GTSE1: variants seen among roughly 807,000 people sequenced by gnomAD.
GTSE1 encodes G2 and S-phase expressed 1.
GTSE1 carries 52 observed loss-of-function variants against 60.5 expected under a neutral mutation model. The observed-to-expected ratio is 0.86, with a 90% CI of 0.69 to 1.08. The LOEUF (loss-of-function observed/expected upper bound fraction) is 1.08. Ranked by LOEUF, GTSE1 falls within the 50% of genes least tolerant of loss-of-function variation. The pLI is 0.00. For missense variants in GTSE1, 937 were observed against 961.8 expected (o/e 0.97, Z 0.34); for synonymous variants, 368 against 386.5 (o/e 0.95, Z 0.56).
At position 46,309,726 on chromosome 22, in the gene GTSE1, G is replaced by C. The variant is rs1427175138; in HGVS notation, c.762+783G>C. ...TGAGAGCCAAGGATGGAAGGCAGCC[G>C]AGGTGCAGCCGCCACGCCACACACT... On this transcript the variant is annotated intron_variant, in intron 4 of 11. Transcript: ENST00000454366. This position sits in a 1 kb window ranked among gnomAD's most constrained non-coding sequence, Gnocchi z 6.2. Among the ~76,000 whole-genome samples, 1 of 152,200 alleles carries C rather than the reference G, an allele frequency of 6.6e-6. No individual in the cohort carries two copies. Among genetic ancestry groups the C allele is most frequent in the Non-Finnish European group, 1.5e-5 (1 of 68,038 alleles).
intron 2 of GTSE1, among the ~76,000 whole-genome samples, chr22:46,300,711 G>C (rs1375026769): frequency 2.0e-5 from 3 of 152,246 alleles, no homozygotes; most frequent in Non-Finnish European, 4.4e-5. Flanking sequence ...GGATGAGCAA[G>C]TCAGCCAGCC....
chr22:46,322,157 C>A (rs1004015261), intron 7 of GTSE1, among the ~76,000 whole-genome samples: 1 of 149,706 alleles, frequency 6.7e-6, no homozygotes, highest in Non-Finnish European at 1.5e-5. Flanking sequence ...TGGTTTAAAG[C>A]GGGGCAGGGA....
In GTSE1 at chr22:46,309,385, T is replaced by C. The variant is rs2147818368; in HGVS notation, c.762+442T>C. 6.6e-6 allele frequency among the ~76,000 whole-genome samples: 1 copy of C among 152,250 alleles called. No homozygotes were observed. The highest frequency in any genetic ancestry group is 2.1e-4 in the South Asian group (1 of 4,830). ...GACAGGGGTGCCTTTGGGTGCAGTC[T>C]GCCTACTCTGGGACACTGAGGGTCC... On this transcript the variant is annotated intron_variant, in intron 4 of 11. Coordinates refer to ENST00000454366, the MANE Select transcript of GTSE1 (RefSeq NM_016426.7). The surrounding 1 kb of genome is among the most constrained non-coding windows in gnomAD (Gnocchi z 6.2).
At position 46,308,506 on chromosome 22, in the gene GTSE1, G is replaced by C. The variant is rs1189350943; in HGVS notation, c.325G>C (p.Ala109Pro). ...VEVYKEAHLL[A>P]LHIESSSRNQ... ...GGTGTACAAAGAAGCTCACTTACTG[G>C]CTTTACACATTGAGAGCAGCAGCCG... Residue 109 changes from alanine to proline, a missense_variant, in exon 4 of 12, where the codon GCT becomes CCT. Transcript: ENST00000454366. 2.5e-6 allele frequency: 4 copies of C among 1,614,074 alleles called. No homozygotes were observed. Among genetic ancestry groups the C allele is most frequent in the Non-Finnish European group, 3.4e-6 (4 of 1,180,028 alleles).
chr22:46,329,621 G>C lies in GTSE1; in HGVS notation c.2136+54G>C. 7.0e-7 allele frequency: 1 copy of C among 1,432,796 alleles called. No individual in the cohort carries two copies. Among genetic ancestry groups the C allele is most frequent in the Non-Finnish European group, 9.8e-7 (1 of 1,016,706 alleles). The allele number at this position is 1,432,796 out of a possible 1,614,324, so 88.8% of individuals were successfully genotyped here. ...CTCAGCCCTGGGTGTCCTCAGTTCT[G>C]GGATTGTTCATCCTCCCAGGGCCAT... On this transcript the variant is annotated intron_variant, in intron 11 of 11. Coordinates refer to ENST00000454366, the MANE Select transcript of GTSE1 (RefSeq NM_016426.7). The surrounding 1 kb of genome is among the most constrained non-coding windows in gnomAD (Gnocchi z 6.4).
chr22:46,300,069 C>T (rs369137362), intron 2 of GTSE1, among the ~76,000 whole-genome samples: 228 of 147,576 alleles, frequency 1.5e-3, no homozygotes, highest in African/African-American at 5.4e-3. Flanking sequence ...TCCGGAAGTG[C>T]TGGGATTACA....
chr22:46,328,950 G>A (rs1315331437), intron 10 of GTSE1, 61 bp downstream of exon 10: 3 of 1,360,324 alleles, frequency 2.2e-6, no homozygotes, highest in Non-Finnish European at 2.1e-6. Context: ...TGCTCGGGAA[G>A]CCCGTGGAAC....
At chr22:46,322,613 C>A (rs531096082) in intron 7 of GTSE1, among the ~76,000 whole-genome samples, 15 of 152,260 alleles carry the variant, frequency 9.9e-5, no homozygotes, top group African/African-American at 3.4e-4. Context: ...AACTGGTGAC[C>A]CCTTTGCCCT....
Position 46,308,849 on chromosome 22 carries a change from G to A in GTSE1, c.668G>A (p.Ser223Asn), listed in dbSNP as rs1474065867. Residue 223 changes from serine (S) to asparagine (N), a missense_variant, in exon 4 of 12, where the codon AGT (serine) becomes AAT (asparagine). Coordinates refer to ENST00000454366, the MANE Select transcript of GTSE1 (RefSeq NM_016426.7). The stretch of plus-strand genomic sequence containing the variant: ...GAATCATGCACTGCTCATGCTGCAA[G>A]TCAGGCAGCGACTCAGAGGAAGCCC... ...PRESCTAHAA[S>N]QAATQRKPGT... 1 of 1,613,280 alleles carries A rather than the reference G, an allele frequency of 6.2e-7. No homozygotes were observed.
rs914763148 is a variant in GTSE1 at position 46,313,133 on chromosome 22, A to G, written c.928-757A>G. Among the ~76,000 whole-genome samples the G allele has an allele frequency of 2.0e-5, 3 of 150,612 alleles. No homozygotes were observed. Among genetic ancestry groups the G allele is most frequent in the African/African-American group, 7.3e-5 (3 of 40,928 alleles). ...AGCTGTGATCATGCCACTGCATTCCATTCCAGCCTGGGCAACAGAGTGAGA... is the reference window on the plus strand; with the variant it reads ...AGCTGTGATCATGCCACTGCATTCCGTTCCAGCCTGGGCAACAGAGTGAGA... On this transcript the variant is annotated intron_variant, in intron 5 of 11. Transcript: ENST00000454366. This position sits in a 1 kb window ranked among gnomAD's most constrained non-coding sequence, Gnocchi z 4.4.
At chr22:46,298,681 T>C (rs2077671929) in intron 2 of GTSE1, among the ~76,000 whole-genome samples, 1 of 152,190 alleles carries the variant, frequency 6.6e-6, no homozygotes, top group Non-Finnish European at 1.5e-5. Context: ...CATCTTCATA[T>C]CTAGCAAGGC....
chr22:46,298,004 C>T (rs1399244923), intron 2 of GTSE1, among the ~76,000 whole-genome samples: 1 of 151,960 alleles, frequency 6.6e-6, no homozygotes, highest in Non-Finnish European at 1.5e-5. Flanking sequence ...GCTCTCTCAC[C>T]CAGGCTGGAG....
Position 46,308,559 on chromosome 22 carries a change from T to A in GTSE1, c.378T>A (p.Pro126=). Residue 126 remains proline (P), a synonymous_variant, in exon 4 of 12, where the codon CCT becomes CCA. Coordinates refer to ENST00000454366, the MANE Select transcript of GTSE1 (RefSeq NM_016426.7). ...ACCAGGCAGCCCAAGCTGCCAAGCC[T>A]GAAGACCCTCGGAGCCAGGGCGTGG... ...SRNQAAQAAK[P]EDPRSQGVER... The A allele has an allele frequency of 6.2e-7, 1 of 1,614,164 alleles. No individual in the cohort carries two copies. Among genetic ancestry groups the A allele is most frequent in the Non-Finnish European group, 8.5e-7 (1 of 1,180,024 alleles).
rs919896915 is a variant in GTSE1 at position 46,317,260 on chromosome 22, C to G, written c.1432+848C>G. ...GGGATTATAGGTGTGAGCCACCGTGCCCGGCCCAGCCTTTTTCCTTGAGCT... is the reference window on the plus strand; with the variant it reads ...GGGATTATAGGTGTGAGCCACCGTGGCCGGCCCAGCCTTTTTCCTTGAGCT... On this transcript the variant is annotated intron_variant, in intron 7 of 11. Coordinates refer to ENST00000454366, the MANE Select transcript of GTSE1 (RefSeq NM_016426.7). This position sits in a 1 kb window ranked among gnomAD's most constrained non-coding sequence, Gnocchi z 5.6. Among the ~76,000 whole-genome samples, 12 of 152,198 alleles carry G rather than the reference C, an allele frequency of 7.9e-5. No homozygotes were observed. The highest frequency in any genetic ancestry group is 3.3e-4 in the Admixed American group (5 of 15,274).
rs34051708 is a variant in GTSE1 at position 46,302,895 on chromosome 22, C to CTTT, written c.80-5239_80-5237dup. On this transcript the variant is annotated intron_variant, in intron 2 of 11. Transcript: ENST00000454366. Reference sequence around the variant, plus strand: ...TTAATACCATTTTTTCACTTTCCCTCTTTTTTTTTTTTTTTTTTCTTTGAG... The same window carrying CTTT: ...TTAATACCATTTTTTCACTTTCCCTCTTTTTTTTTTTTTTTTTTTTTCTTTGAG... Among the ~76,000 whole-genome samples, 61 of 131,376 alleles carry CTTT rather than the reference C, an allele frequency of 4.6e-4. 1 individual carries two copies. The highest frequency in any genetic ancestry group is 1.5e-3 in the African/African-American group (51 of 34,404). 86.2% of individuals were successfully genotyped at this position (131,376 alleles called of 152,430 possible).
At position 46,314,167 on chromosome 22, in the gene GTSE1, G is replaced by C. The variant is rs1207501294; in HGVS notation, c.1051+154G>C. Among the ~76,000 whole-genome samples, 1 of 152,184 alleles carries C rather than the reference G, an allele frequency of 6.6e-6. No homozygotes were observed. The highest frequency in any genetic ancestry group is 1.5e-5 in the Non-Finnish European group (1 of 68,020). On this transcript the variant is annotated intron_variant, in intron 6 of 11. Transcript: ENST00000454366. The surrounding 1 kb of genome is among the most constrained non-coding windows in gnomAD (Gnocchi z 7.1). ...TGCGGTGGACCAGGCTGTGGACTGAGTTGCTGTACCTGCCCTCAGTGCCTC... is the reference window on the plus strand; with the variant it reads ...TGCGGTGGACCAGGCTGTGGACTGACTTGCTGTACCTGCCCTCAGTGCCTC...
chr22:46,301,887 G>A (rs957589312), intron 2 of GTSE1, among the ~76,000 whole-genome samples: 3 of 152,158 alleles, frequency 2.0e-5, no homozygotes, highest in African/African-American at 7.2e-5. Context: ...CCAACACTTT[G>A]GGAGGCCAGG....
chr22:46,313,889 G>C lies in GTSE1; in HGVS notation c.928-1G>C, dbSNP rs764443199. 3 of 1,614,088 alleles carry C rather than the reference G, an allele frequency of 1.9e-6. No homozygotes were observed. Among genetic ancestry groups the C allele is most frequent in the East Asian group, 2.2e-5 (1 of 44,884 alleles). On this transcript the variant is annotated splice_acceptor_variant, in intron 5 of 11. Transcript: ENST00000454366. LOFTEE classifies it high-confidence loss of function. The surrounding 1 kb of genome is among the most constrained non-coding windows in gnomAD (Gnocchi z 4.4). Reference sequence around the variant, plus strand: ...TTCTGTTTTTTCACATTTTGCCCCAGTTGGGGCTGAAGAAGACCCTGTTAA... The same window carrying C: ...TTCTGTTTTTTCACATTTTGCCCCACTTGGGGCTGAAGAAGACCCTGTTAA...
At chr22:46,328,408 C>T (rs895688298) in intron 9 of GTSE1, among the ~76,000 whole-genome samples, 9 of 152,168 alleles carry the variant, frequency 5.9e-5, no homozygotes, top group African/African-American at 1.4e-4. Context: ...CAGGAGGTGA[C>T]GGGCGTGCGC....
Sources: allele counts gnomAD v4.1 joint callset (sites outside exome capture counted in the v4.1 genomes callset), GRCh38; gene constraint gnomAD v4.1.1; non-coding constraint Gnocchi (gnomAD v3.1); transcripts MANE v1.5; gene names NCBI Gene and HGNC (gene_info 2026-07-23, HGNC 2026-07-21).